The following SNRPG variants were observed in gnomAD, a reference collection of about 807,000 sequenced individuals.
SNRPG encodes the protein small nuclear ribonucleoprotein polypeptide G, also known as small nuclear ribonucleoprotein G.
SNRPG carries 3 observed loss-of-function variants against 13.9 expected under a neutral mutation model. That is an observed-to-expected ratio of 0.22 (90% CI 0.10 to 0.56). The LOEUF (loss-of-function observed/expected upper bound fraction) is 0.56. Among genes scored for constraint, SNRPG ranks in the 20% least tolerant of loss-of-function variants. The pLI is 0.93. For missense variants in SNRPG, 34 were observed against 96.1 expected (o/e 0.35, Z 2.70); for synonymous variants, 29 against 29.3 (o/e 0.99, Z 0.03).
intron 3 of SNRPG, chr2:70,287,686 A>T (rs1159662664): frequency 7.3e-6 from 3 of 412,876 alleles, no homozygotes; most frequent in Admixed American, 4.2e-5. Context: ...GCAAAACCTT[A>T]GTTAAGTTCT....
chr2:70,289,154 C>T (rs377394980), intron 2 of SNRPG, among the ~76,000 whole-genome samples, 196 bp downstream of exon 2: 1 of 152,018 alleles, frequency 6.6e-6, no homozygotes, highest in African/African-American at 2.4e-5. Flanking sequence ...GGGGTTTCAC[C>T]GTGTTAGCCA....
At chr2:70,289,274 G>A in intron 2 of SNRPG, 76 bp downstream of exon 2, 2 of 846,682 alleles carry the variant, frequency 2.4e-6, no homozygotes, top group East Asian at 3.0e-5. Flanking sequence ...TTATAAAGTT[G>A]CTCCAAACAT....
At chr2:70,292,530 T>G (rs1366788456) in intron 1 of SNRPG, 1 of 153,424 alleles carries the variant, frequency 6.5e-6, no homozygotes, top group African/African-American at 2.4e-5. Context: ...GTATTTTTAG[T>G]AGAGACGGGG....
At chr2:70,282,499 A>G (rs951327735) in intron 3 of SNRPG, among the ~76,000 whole-genome samples, 2 of 152,232 alleles carry the variant, frequency 1.3e-5, no homozygotes, top group African/African-American at 4.8e-5. Context: ...AGGATAAGGA[A>G]GTAATCTAAT....
intron 3 of SNRPG, 21 bp from the exon 4 acceptor site, chr2:70,281,705 T>C (rs539094507): frequency 3.6e-6 from 5 of 1,377,138 alleles, no homozygotes; most frequent in East Asian, 2.3e-5. Context: ...GAAAAATAAA[T>C]TTGAAAAGAA....
intron 3 of SNRPG, among the ~76,000 whole-genome samples, chr2:70,284,635 T>G (rs187306454): frequency 7.2e-5 from 11 of 152,266 alleles, no homozygotes; most frequent in African/African-American, 2.6e-4. Context: ...CCTCCTGCCT[T>G]GGCCTCCCAA....
chr2:70,290,307 C>G (rs1697051016), intron 1 of SNRPG, among the ~76,000 whole-genome samples: 2 of 151,950 alleles, frequency 1.3e-5, no homozygotes, highest in African/African-American at 2.4e-5. Context: ...AAGTAGTGTT[C>G]TTTTATTTAA....
Position 70,288,118 on chromosome 2 carries a change from C to G in SNRPG, c.130G>C (p.Glu44Gln), listed in dbSNP as rs771611571. ...CCACTAGTCGCCATCTCCACACATT[C>G]ATCTATCACAAGGTTCATAAAGGGA... ...FDPFMNLVID[E>Q]CVEMATSGQQ... is the part of the protein sequence containing the mutation. The change falls in exon 3 of 4, where the codon GAA becomes CAA. Residue 44 changes from glutamate to glutamine, a missense_variant. Physicochemically the swap from Glu to Gln is conservative, Grantham distance 29. Transcript: ENST00000272348. The G allele has an allele frequency of 6.2e-7, 1 of 1,610,814 alleles. No individual in the cohort carries two copies. The highest frequency in any genetic ancestry group is 1.1e-5 in the South Asian group (1 of 91,010).
chr2:70,291,948 ATT>A (rs200204639), intron 1 of SNRPG, among the ~76,000 whole-genome samples: 10 of 136,748 alleles, frequency 7.3e-5, no homozygotes, highest in Admixed American at 7.5e-5. Context: ...AGTAACTTCT[ATT>A]TTTTTTTTTT....
intron 3 of SNRPG, chr2:70,287,717 G>A: frequency 2.5e-6 from 1 of 393,148 alleles, no homozygotes; most frequent in Non-Finnish European, 4.6e-6. Context: ...TACTGAAGTA[G>A]AATCTTCATT....
chr2:70,285,398 C>A (rs762930841), intron 3 of SNRPG, among the ~76,000 whole-genome samples: 1 of 151,954 alleles, frequency 6.6e-6, no homozygotes, highest in Non-Finnish European at 1.5e-5. Context: ...ATAGTGAAAC[C>A]CTGTCTCTAC....
At chr2:70,290,775 C>T (rs1166367708) in intron 1 of SNRPG, among the ~76,000 whole-genome samples, 5 of 118,358 alleles carry the variant, frequency 4.2e-5, no homozygotes, top group African/African-American at 1.3e-4. Context: ...CACCTGAGGT[C>T]GGGAGTTCGA....
rs1696783923 is a variant in SNRPG at position 70,281,555 on chromosome 2, A to G, written c.*79T>C. 1 of 747,022 alleles carries G rather than the reference A, an allele frequency of 1.3e-6. No individual in the cohort carries two copies. 46.3% of individuals were successfully genotyped at this position (747,022 alleles called of 1,614,324 possible). A position where few individuals can be genotyped will look rare whatever the true frequency, so the allele number is the denominator to read the frequency against. On this transcript the variant is annotated 3_prime_UTR_variant, in exon 4 of 4. Transcript: ENST00000272348. ...AACAAAAAGTCTAATATGAAAATGTACATGACCTAATTTTTACATCATAGT... is the reference window on the plus strand; with the variant it reads ...AACAAAAAGTCTAATATGAAAATGTGCATGACCTAATTTTTACATCATAGT...
Position 70,293,675 on chromosome 2 carries a change from T to C in SNRPG, c.-26A>G, listed in dbSNP as rs758112405. On this transcript the variant is annotated 5_prime_UTR_variant, in exon 1 of 4. Coordinates refer to ENST00000272348, the MANE Select transcript of SNRPG (RefSeq NM_003096.4). ...GGTGTATACTCCGCGGGCTCACAGA[T>C]GCCTTGGAACGCAACGCACGGCTTT... is the stretch of plus-strand genomic sequence containing the variant. 1.8e-5 allele frequency: 29 copies of C among 1,613,238 alleles called. No homozygotes were observed. The highest frequency in any genetic ancestry group is 2.2e-5 in the East Asian group (1 of 44,890).
chr2:70,291,126 T>C (rs1697085323), intron 1 of SNRPG, among the ~76,000 whole-genome samples: 1 of 152,004 alleles, frequency 6.6e-6, no homozygotes, highest in Admixed American at 6.6e-5. Context: ...CAAGATCTTA[T>C]ACAATCTTTA....
At chr2:70,293,202 T>C in intron 1 of SNRPG, 1 of 702,430 alleles carries the variant, frequency 1.4e-6, no homozygotes, top group East Asian at 2.7e-5. Context: ...ATGCCTCACG[T>C]AGTTTTAAAA....
intron 3 of SNRPG, among the ~76,000 whole-genome samples, chr2:70,287,100 G>A (rs907373021): frequency 6.6e-6 from 1 of 152,098 alleles, no homozygotes; most frequent in South Asian, 2.1e-4. Context: ...TCAAAATACA[G>A]TAATGAAAAA....
At chr2:70,284,016 T>C (rs1696879725) in intron 3 of SNRPG, among the ~76,000 whole-genome samples, 1 of 152,182 alleles carries the variant, frequency 6.6e-6, no homozygotes, top group Non-Finnish European at 1.5e-5. Flanking sequence ...CCAAGCTCCA[T>C]GCTACTGCAC....
Position 70,293,719 on chromosome 2 carries a change from G to A in SNRPG, c.-70C>T, listed in dbSNP as rs75215614. ...CGGCTTTCCTCACGCTCCCGCTGTA[G>A]GCCCGGCGTCTTGCGTCTGGCGTCA... On this transcript the variant is annotated 5_prime_UTR_variant, in exon 1 of 4. Coordinates refer to ENST00000272348, the MANE Select transcript of SNRPG (RefSeq NM_003096.4). 1 of 1,465,294 alleles carries A rather than the reference G, an allele frequency of 6.8e-7. No individual in the cohort carries two copies. Among genetic ancestry groups the A allele is most frequent in the Non-Finnish European group, 9.6e-7 (1 of 1,044,442 alleles). The allele number at this position is 1,465,294 out of a possible 1,614,324, so 90.8% of individuals were successfully genotyped here. A position where few individuals can be genotyped will look rare whatever the true frequency, so the allele number is the denominator to read the frequency against.
Sources: allele counts gnomAD v4.1 joint callset (sites outside exome capture counted in the v4.1 genomes callset), GRCh38; gene constraint gnomAD v4.1.1; transcripts MANE v1.5; gene names NCBI Gene and HGNC (gene_info 2026-07-23, HGNC 2026-07-21).